Variants in RAP1A observed in about 807,000 individuals in gnomAD.
RAP1A encodes the protein ras-related protein Rap-1A.
A neutral mutation model predicts 26.4 loss-of-function variants in RAP1A; 6 were observed. That is an observed-to-expected ratio of 0.23 (90% confidence interval 0.12 to 0.45). The LOEUF is 0.45. Ranked by LOEUF, RAP1A falls within the 20% of genes least tolerant of loss-of-function variation. The pLI, the probability that RAP1A is intolerant of heterozygous loss-of-function variation, is 0.99. For missense variants in RAP1A, 121 were observed against 217.2 expected, an observed-to-expected ratio of 0.56 and a Z score of 2.78; for synonymous variants, 73 against 79.4, an observed-to-expected ratio of 0.92 and a Z score of 0.43.
At chr1:111,648,050 T>TACA (rs1660127913) in intron 1 of RAP1A, among the ~76,000 whole-genome samples, 1 of 152,104 alleles carries the variant, frequency 6.6e-6, no homozygotes, top group Non-Finnish European at 1.5e-5. Flanking sequence ...TGTACTCTTG[T>TACA]AGAGAATTTT....
intron 1 of RAP1A, among the ~76,000 whole-genome samples, chr1:111,642,648 C>T (rs551194746): frequency 1.3e-4 from 20 of 152,074 alleles, no homozygotes; most frequent in East Asian, 7.7e-4. Flanking sequence ...CCACCACGCG[C>T]GGCTAGTTTT....
intron 1 of RAP1A, among the ~76,000 whole-genome samples, chr1:111,684,436 T>G (rs1050182299): frequency 2.0e-5 from 3 of 152,220 alleles, no homozygotes; most frequent in African/African-American, 7.2e-5. Flanking sequence ...GATAAGCAAC[T>G]TCAGCGAAGT....
chr1:111,563,961 C>A (rs1460214609), intron 1 of RAP1A: 51 of 1,605,766 alleles, frequency 3.2e-5, no homozygotes, highest in Non-Finnish European at 4.2e-5. Flanking sequence ...ATTGGTCCAA[C>A]TGGTGGTCTC....
At chr1:111,597,602 A>T (rs1658585905) in intron 1 of RAP1A, among the ~76,000 whole-genome samples, 1 of 152,354 alleles carries the variant, frequency 6.6e-6, no homozygotes, top group Non-Finnish European at 1.5e-5. Flanking sequence ...TAAAAAATTC[A>T]TCTGCTAGTA....
At chr1:111,563,993 C>A in intron 1 of RAP1A, 2 of 1,442,094 alleles carry the variant, frequency 1.4e-6, no homozygotes, top group Non-Finnish European at 2.0e-6. Flanking sequence ...ACAGAAGCTT[C>A]CAACAGCCAC....
chr1:111,661,813 A>C (rs1227076658), intron 1 of RAP1A, among the ~76,000 whole-genome samples: 1 of 152,056 alleles, frequency 6.6e-6, no homozygotes, highest in African/African-American at 2.4e-5. Context: ...AAAAAAAAAA[A>C]AAAAGCAATT....
At chr1:111,563,397 A>G (rs1657824538) in intron 1 of RAP1A, among the ~76,000 whole-genome samples, 1 of 152,248 alleles carries the variant, frequency 6.6e-6, no homozygotes, top group Non-Finnish European at 1.5e-5. Flanking sequence ...GGAAAACAGT[A>G]TTCCTTGAAA....
At chr1:111,564,906 T>G (rs981253366) in intron 1 of RAP1A, among the ~76,000 whole-genome samples, 1 of 152,056 alleles carries the variant, frequency 6.6e-6, no homozygotes, top group Admixed American at 6.5e-5. Flanking sequence ...ATCATGAAAC[T>G]TGCATTACAG....
intron 1 of RAP1A, among the ~76,000 whole-genome samples, chr1:111,583,889 T>C (rs1658312813): frequency 6.8e-6 from 1 of 146,246 alleles, no homozygotes; most frequent in Admixed American, 6.8e-5. Flanking sequence ...TTTTTTTTTT[T>C]TTTTTTTTTG....
intron 1 of RAP1A, among the ~76,000 whole-genome samples, chr1:111,589,443 G>A (rs916248895): frequency 6.6e-6 from 1 of 152,076 alleles, no homozygotes; most frequent in East Asian, 1.9e-4. Context: ...ATGTTTCCAA[G>A]ATTTTATCCC....
chr1:111,697,060 T>C (rs1661854423), intron 3 of RAP1A, among the ~76,000 whole-genome samples: 1 of 152,254 alleles, frequency 6.6e-6, no homozygotes, highest in South Asian at 2.1e-4. Flanking sequence ...CATTTAATAT[T>C]TTTGTACTTT....
intron 1 of RAP1A, among the ~76,000 whole-genome samples, chr1:111,576,421 T>C (rs566698698): frequency 9.9e-5 from 15 of 152,186 alleles, no homozygotes; most frequent in Non-Finnish European, 2.2e-4. Context: ...TTCAGGACCA[T>C]GGAGTTAAAG....
chr1:111,685,105 C>T (rs766716672), intron 1 of RAP1A, among the ~76,000 whole-genome samples: 4 of 152,094 alleles, frequency 2.6e-5, no homozygotes, highest in Non-Finnish European at 5.9e-5. Flanking sequence ...ATTCCTTACA[C>T]CTCATATAAA....
chr1:111,600,781 C>A (rs1019955199), intron 1 of RAP1A, among the ~76,000 whole-genome samples: 1 of 152,080 alleles, frequency 6.6e-6, no homozygotes, highest in African/African-American at 2.4e-5. Context: ...AAAAATTAAG[C>A]CTAAAGAAAC....
chr1:111,679,028 A>G lies in RAP1A; in HGVS notation c.-27-12306A>G, dbSNP rs147180969. Among the ~76,000 whole-genome samples the G allele has an allele frequency of 1.2e-3, 185 of 152,352 alleles. 2 individuals are homozygous for G. In the East Asian group the frequency reaches 0.034, roughly 28 times the overall value. On this transcript the variant is annotated intron_variant, in intron 1 of 7. Transcript: ENST00000369709. ...CAGTAAAAGCATTTTGGGAAAAAAA[A>G]TCCAACATCTTTTCCTCAGAACCCA...
chr1:111,548,241 A>G (rs961661304), intron 1 of RAP1A, among the ~76,000 whole-genome samples: 1 of 152,130 alleles, frequency 6.6e-6, no homozygotes, highest in African/African-American at 2.4e-5. Flanking sequence ...GACTGGTCTC[A>G]AACTCCTGGC....
intron 1 of RAP1A, among the ~76,000 whole-genome samples, chr1:111,634,131 G>A (rs7532316): frequency 0.46 from 70,359 of 151,970 alleles, 16,365 homozygotes; most frequent in Middle Eastern, 0.57. Flanking sequence ...GACATGTGAA[G>A]TTTTTTAATA....
intron 1 of RAP1A, among the ~76,000 whole-genome samples, chr1:111,622,781 C>G (rs1179644878): frequency 6.6e-6 from 1 of 152,182 alleles, no homozygotes; most frequent in African/African-American, 2.4e-5. Context: ...CAACATTTAA[C>G]TACAGGATGC....
At chr1:111,607,821 ACC>A (rs1156862172) in intron 1 of RAP1A, among the ~76,000 whole-genome samples, 5 of 76,066 alleles carry the variant, frequency 6.6e-5, no homozygotes, top group East Asian at 7.4e-4. Context: ...CGGGGGGCTG[ACC>A]CCCCCACCTC....
Sources: allele counts gnomAD v4.1 joint callset (sites outside exome capture counted in the v4.1 genomes callset), GRCh38; gene constraint gnomAD v4.1.1; transcripts MANE v1.5; gene names NCBI Gene and HGNC (gene_info 2026-07-23, HGNC 2026-07-21).